The following ZNF385D variants were observed in gnomAD, a reference collection of about 807,000 sequenced individuals.
ZNF385D encodes the protein zinc finger protein 385D, also known as zinc finger protein 659.
A neutral mutation model predicts 35.8 loss-of-function variants in ZNF385D; 15 were observed. The observed-to-expected ratio is 0.42, with a 90% CI of 0.28 to 0.64. The LOEUF is 0.64. Among genes scored for constraint, ZNF385D ranks in the 30% least tolerant of loss-of-function variants. ZNF385D has a pLI of 0.23. For synonymous variants in ZNF385D, 212 were observed against 186.8 expected, an observed-to-expected ratio of 1.13 and a Z score of -1.10; for missense variants, 474 against 494.6, an observed-to-expected ratio of 0.96 and a Z score of 0.39.
At chr3:21,993,664 C>T (rs539125691) in intron 3 of ZNF385D, among the ~76,000 whole-genome samples, 1 of 152,222 alleles carries the variant, frequency 6.6e-6, no homozygotes, top group East Asian at 1.9e-4. Flanking sequence ...AGAGCTATAT[C>T]ATGAGAAAAT....
chr3:21,894,078 A>G (rs551764981), intron 3 of ZNF385D, among the ~76,000 whole-genome samples: 150 of 152,268 alleles, frequency 9.9e-4, no homozygotes, highest in African/African-American at 3.4e-3. Flanking sequence ...CATGTTTTCC[A>G]TTCCTTAAAA....
intron 1 of ZNF385D, among the ~76,000 whole-genome samples, chr3:21,726,782 A>T (rs2068783625): frequency 6.6e-6 from 1 of 152,194 alleles, no homozygotes; most frequent in Admixed American, 6.6e-5. Flanking sequence ...ATCCCCATCA[A>T]GCTACCATTG....
At chr3:21,470,629 G>T (rs1035312496) in intron 4 of ZNF385D, among the ~76,000 whole-genome samples, 23 of 152,126 alleles carry the variant, frequency 1.5e-4, no homozygotes, top group Admixed American at 1.4e-3. Flanking sequence ...AAAAACAAAT[G>T]GTTTTCCCAG....
intron 3 of ZNF385D, among the ~76,000 whole-genome samples, chr3:21,760,679 A>G (rs2070564517): frequency 6.6e-6 from 1 of 152,190 alleles, no homozygotes; most frequent in South Asian, 2.1e-4. Flanking sequence ...TGCTTAGTGC[A>G]CTATCAAGAG....
intron 3 of ZNF385D, among the ~76,000 whole-genome samples, chr3:21,915,409 TG>T (rs1700146438): frequency 6.6e-6 from 1 of 152,172 alleles, no homozygotes; most frequent in African/African-American, 2.4e-5. Context: ...TTAATAGCAT[TG>T]TGTTACTTTG....
chr3:22,167,888 T>C (rs2125755591), intron 3 of ZNF385D, among the ~76,000 whole-genome samples: 1 of 152,338 alleles, frequency 6.6e-6, no homozygotes, highest in East Asian at 1.9e-4. Flanking sequence ...ATACTACAGT[T>C]CATTCATACT....
intron 2 of ZNF385D, among the ~76,000 whole-genome samples, chr3:22,272,760 T>C (rs1257575141): frequency 2.0e-5 from 3 of 152,052 alleles, no homozygotes; most frequent in Non-Finnish European, 4.4e-5. Flanking sequence ...TTATTTGGCT[T>C]TGTCACCAGT....
intron 3 of ZNF385D, among the ~76,000 whole-genome samples, chr3:22,035,725 G>A (rs1465147985): frequency 6.6e-6 from 1 of 152,080 alleles, no homozygotes; most frequent in Admixed American, 6.6e-5. Context: ...GTTTCTAAGG[G>A]GAGTTTCTGA....
At chr3:22,188,572 C>A (rs867035438) in intron 2 of ZNF385D, among the ~76,000 whole-genome samples, 1 of 152,038 alleles carries the variant, frequency 6.6e-6, no homozygotes, top group Admixed American at 6.6e-5. Context: ...GCCTCAGCCT[C>A]CCGAGTAGCT....
At chr3:21,735,500 A>T (rs2069201052) in intron 1 of ZNF385D, among the ~76,000 whole-genome samples, 1 of 152,218 alleles carries the variant, frequency 6.6e-6, no homozygotes, top group Admixed American at 6.5e-5. Context: ...GTCAGATGTG[A>T]TTCCAAGGTG....
At chr3:21,928,371 A>T (rs781061706) in intron 3 of ZNF385D, among the ~76,000 whole-genome samples, 6 of 151,460 alleles carry the variant, frequency 4.0e-5, no homozygotes, top group Non-Finnish European at 8.9e-5. Flanking sequence ...AGGAAAGGAA[A>T]GGAAAGCAAA....
At chr3:22,180,014 G>T (rs980322033) in intron 2 of ZNF385D, among the ~76,000 whole-genome samples, 78 of 152,234 alleles carry the variant, frequency 5.1e-4, no homozygotes, top group Non-Finnish European at 9.0e-4. Context: ...TTTTTGAAAA[G>T]ATCAACAAAG....
At chr3:21,647,938 T>C (rs2065802384) in intron 2 of ZNF385D, among the ~76,000 whole-genome samples, 1 of 152,212 alleles carries the variant, frequency 6.6e-6, no homozygotes, top group Non-Finnish European at 1.5e-5. Flanking sequence ...TAAGATGCTT[T>C]ATTAAAATTT....
At chr3:21,855,217 T>C (rs1033852684) in intron 3 of ZNF385D, among the ~76,000 whole-genome samples, 4 of 152,024 alleles carry the variant, frequency 2.6e-5, no homozygotes, top group African/African-American at 9.7e-5. Flanking sequence ...AGTCCTTGCA[T>C]ACTGTCTCAA....
intron 3 of ZNF385D, among the ~76,000 whole-genome samples, chr3:21,836,402 C>T (rs748355713): frequency 6.6e-6 from 1 of 152,100 alleles, no homozygotes; most frequent in Non-Finnish European, 1.5e-5. Context: ...GCATATTCAA[C>T]AAACAAGATA....
At chr3:21,508,467 G>T (rs1706953820) in intron 4 of ZNF385D, among the ~76,000 whole-genome samples, 1 of 151,980 alleles carries the variant, frequency 6.6e-6, no homozygotes, top group African/African-American at 2.4e-5. Context: ...TCATTTTCTT[G>T]TTCTGTAAAT....
chr3:21,696,775 A>G (rs2067485784), intron 1 of ZNF385D, among the ~76,000 whole-genome samples: 1 of 152,048 alleles, frequency 6.6e-6, no homozygotes, highest in African/African-American at 2.4e-5. Flanking sequence ...GGGAAAATCT[A>G]CTCCTGAGTC....
In ZNF385D at chr3:21,465,904, G is replaced by A. The variant is rs374587648; in HGVS notation, c.440-28701C>T. ...CACACCTCAGGATACAGGAGCTGCCGTGAGCACAAATAGAGATGCTCTTCT... is the reference window on the plus strand; with the variant it reads ...CACACCTCAGGATACAGGAGCTGCCATGAGCACAAATAGAGATGCTCTTCT... On this transcript the variant is annotated intron_variant, in intron 4 of 7. Transcript: ENST00000281523. This position sits in a 1 kb window ranked among gnomAD's most constrained non-coding sequence, Gnocchi z 4.2. 1.8e-4 allele frequency among the ~76,000 whole-genome samples: 27 copies of A among 152,254 alleles called. No individual in the cohort carries two copies. The highest frequency in any genetic ancestry group is 3.4e-3 in the Middle Eastern group (1 of 294).
At chr3:21,776,204 A>T (rs534777366) in intron 3 of ZNF385D, among the ~76,000 whole-genome samples, 6 of 152,004 alleles carry the variant, frequency 3.9e-5, no homozygotes, top group Non-Finnish European at 8.8e-5. Context: ...TTTCATTGTT[A>T]AATATAGAAT....
Sources: gnomAD v4.1 joint callset for allele counts (sites outside exome capture counted in the v4.1 genomes callset) on GRCh38, gnomAD v4.1.1 for gene constraint, Gnocchi (gnomAD v3.1) non-coding constraint, MANE v1.5 for transcripts, NCBI Gene and HGNC (gene_info 2026-07-23, HGNC 2026-07-21) for gene names.